Variants in PEX7 observed in about 807,000 individuals in gnomAD.
PEX7 encodes peroxisomal biogenesis factor 7.
Under a neutral mutation model 47.5 loss-of-function variants are expected in PEX7, and 34 were observed. The ratio of observed to expected loss-of-function variants is 0.72; its 90% confidence interval spans 0.54 to 0.95. The LOEUF (loss-of-function observed/expected upper bound fraction) is 0.95. PEX7 is among the 40% of genes least tolerant of loss of function. PEX7 has a pLI of 0.00. For synonymous variants in PEX7, 141 were observed against 148.8 expected, an observed-to-expected ratio of 0.95 and a Z score of 0.38; for missense variants, 394 against 400.3, an observed-to-expected ratio of 0.98 and a Z score of 0.13.
rs9385777 is a variant in PEX7 at position 136,900,831 on chromosome 6, T to A, written c.903+2590T>A. 404 of 321,354 alleles carry A rather than the reference T, an allele frequency of 1.3e-3. 6 individuals carry two copies. The East Asian group carries it at 0.037, about 30-fold the overall frequency. The allele number at this position is 321,354 out of a possible 1,614,324, so 19.9% of individuals were successfully genotyped here. On this transcript the variant is annotated intron_variant, in intron 9 of 9. Transcript: ENST00000318471. The surrounding 1 kb of genome is among the most constrained non-coding windows in gnomAD (Gnocchi z 4.2). ...CTTTCTTCTCAGCCTGGGCCAAGTC[T>A]CTGCCTCTTCTCTTGCTTTGTCTCT... is the stretch of plus-strand genomic sequence containing the variant.
At chr6:136,876,849 T>G (rs1323148395) in intron 8 of PEX7, among the ~76,000 whole-genome samples, 1 of 152,232 alleles carries the variant, frequency 6.6e-6, no homozygotes, top group African/African-American at 2.4e-5. Context: ...TTTGGGTATA[T>G]ACCCAGTAAT....
intron 8 of PEX7, among the ~76,000 whole-genome samples, chr6:136,873,565 T>G (rs773671559): frequency 6.6e-6 from 1 of 152,158 alleles, no homozygotes; most frequent in African/African-American, 2.4e-5. Flanking sequence ...TATGATCTTA[T>G]CACCTGCAAA....
chr6:136,825,155 G>T, intron 1 of PEX7, 59 bp from the exon 2 acceptor site: 1 of 1,400,856 alleles, frequency 7.1e-7, no homozygotes. Flanking sequence ...ATAACTCCTT[G>T]ACTTTCGATG....
At chr6:136,841,736 A>G (rs561353592) in intron 3 of PEX7, among the ~76,000 whole-genome samples, 3 of 152,156 alleles carry the variant, frequency 2.0e-5, no homozygotes, top group African/African-American at 7.2e-5. Flanking sequence ...GTTATAGGTC[A>G]CCACACCTGG....
chr6:136,846,790 G>C (rs191753844), intron 5 of PEX7, among the ~76,000 whole-genome samples: 1 of 152,090 alleles, frequency 6.6e-6, no homozygotes, highest in Non-Finnish European at 1.5e-5. Flanking sequence ...TGTGCATAGC[G>C]CCGCAGTAAA....
chr6:136,910,603 C>G (rs1330617858), intron 9 of PEX7, among the ~76,000 whole-genome samples: 1 of 152,146 alleles, frequency 6.6e-6, no homozygotes, highest in African/African-American at 2.4e-5. Flanking sequence ...CTATAATGCT[C>G]TCTGTAGCTT....
At chr6:136,898,057 G>T in intron 8 of PEX7, 85 bp from the exon 9 acceptor site, 1 of 796,468 alleles carries the variant, frequency 1.3e-6, no homozygotes, top group Non-Finnish European at 2.2e-6. Context: ...TAAAATCTTT[G>T]CTATGTCAAA....
intron 6 of PEX7, among the ~76,000 whole-genome samples, chr6:136,867,030 T>C (rs1052850097): frequency 1.1e-4 from 17 of 152,224 alleles, no homozygotes; most frequent in African/African-American, 4.1e-4. Context: ...CTCTTAACCC[T>C]GCAATTTTGT....
intron 2 of PEX7, 113 bp downstream of exon 2, chr6:136,825,384 C>A: frequency 2.3e-6 from 2 of 873,942 alleles, no homozygotes; most frequent in Non-Finnish European, 3.7e-6. Flanking sequence ...GGAACCTTGG[C>A]GTTTGCATAG....
chr6:136,830,552 C>G (rs1389430426), intron 3 of PEX7, among the ~76,000 whole-genome samples: 2 of 152,176 alleles, frequency 1.3e-5, no homozygotes, highest in African/African-American at 4.8e-5. Context: ...CTGGTGTCTG[C>G]AGAGGTCATT....
chr6:136,876,662 A>G (rs532706084), intron 8 of PEX7, among the ~76,000 whole-genome samples: 24 of 152,340 alleles, frequency 1.6e-4, no homozygotes, highest in Admixed American at 8.5e-4. Context: ...TGCAAAGGAC[A>G]TGAACTCATC....
At chr6:136,888,660 GT>G (rs938198535) in intron 8 of PEX7, among the ~76,000 whole-genome samples, 1 of 152,092 alleles carries the variant, frequency 6.6e-6, no homozygotes, top group African/African-American at 2.4e-5. Context: ...GGACTTGTCT[GT>G]TTTATTGTTT....
intron 8 of PEX7, among the ~76,000 whole-genome samples, chr6:136,888,446 T>G (rs1775503805): frequency 6.6e-6 from 1 of 152,176 alleles, no homozygotes; most frequent in Non-Finnish European, 1.5e-5. Flanking sequence ...AATGTCTTTG[T>G]AACCCTATCA....
chr6:136,824,773 A>G (rs1162549075), intron 1 of PEX7, among the ~76,000 whole-genome samples: 1 of 152,146 alleles, frequency 6.6e-6, no homozygotes, highest in Non-Finnish European at 1.5e-5. Flanking sequence ...CCTGTGTGAG[A>G]TGTGTTTTAG....
At position 136,826,323 on chromosome 6, in the gene PEX7, G is replaced by T. The variant is rs1229970963; in HGVS notation, c.193G>T (p.Asp65Tyr). ...GTTTGTTTTTTCCTAGTGTAGCTTT[G>T]ACTGGAATGATGGTTTGTTTGATGT... Reference protein sequence around the residue: ...EAGLRLFRSFDWNDGLFDVTW... With the variant: ...EAGLRLFRSFYWNDGLFDVTW... The change falls in exon 3 of 10, where the codon GAC becomes TAC. Residue 65 changes from aspartate (D) to tyrosine (Y), a missense_variant. Transcript: ENST00000318471. 6.2e-7 allele frequency: 1 copy of T among 1,613,798 alleles called. No homozygotes were observed. Among genetic ancestry groups the T allele is most frequent in the South Asian group, 1.1e-5 (1 of 91,028 alleles).
At chr6:136,856,822 A>T (rs1360094432) in intron 5 of PEX7, among the ~76,000 whole-genome samples, 1 of 152,244 alleles carries the variant, frequency 6.6e-6, no homozygotes, top group Non-Finnish European at 1.5e-5. Context: ...AAGGCTTCAG[A>T]TAAATCAGAG....
Position 136,880,590 on chromosome 6 carries a change from G to A in PEX7, c.803+8337G>A, listed in dbSNP as rs796190572. Among the ~76,000 whole-genome samples, 10 of 152,280 alleles carry A rather than the reference G, an allele frequency of 6.6e-5. 1 individual carries two copies. Among genetic ancestry groups the A allele is most frequent in the African/African-American group, 1.9e-4 (8 of 41,546 alleles). Reference sequence around the variant, plus strand: ...TCTTCTTACAGTTAATTTGAAGTTTGGATGTGTGGAAGACCTGAGGTTTGT... The same window carrying A: ...TCTTCTTACAGTTAATTTGAAGTTTAGATGTGTGGAAGACCTGAGGTTTGT... On this transcript the variant is annotated intron_variant, in intron 8 of 9. Coordinates refer to ENST00000318471, the MANE Select transcript of PEX7 (RefSeq NM_000288.4).
chr6:136,898,343 A>G (rs1775689606), intron 9 of PEX7, 102 bp downstream of exon 9: 12 of 784,558 alleles, frequency 1.5e-5, no homozygotes, highest in South Asian at 1.2e-4. Flanking sequence ...CATTTTAGCT[A>G]TATAAGCTGG....
intron 8 of PEX7, among the ~76,000 whole-genome samples, chr6:136,877,269 G>T (rs1775293051): frequency 6.6e-6 from 1 of 151,950 alleles, no homozygotes; most frequent in Non-Finnish European, 1.5e-5. Flanking sequence ...TAGGCTGCCT[G>T]TTCACTCTGA....
Sources: allele counts gnomAD v4.1 joint callset (sites outside exome capture counted in the v4.1 genomes callset), GRCh38; gene constraint gnomAD v4.1.1; non-coding constraint Gnocchi (gnomAD v3.1); transcripts MANE v1.5; gene names NCBI Gene and HGNC (gene_info 2026-07-23, HGNC 2026-07-21).